Variants in SVIL observed in about 807,000 individuals in gnomAD.
The protein encoded by SVIL is supervillin, also known as archvillin.
Under a neutral mutation model 240.4 loss-of-function variants are expected in SVIL, and 101 were observed. The observed-to-expected ratio is 0.42, with a 90% CI of 0.36 to 0.50. The LOEUF is 0.50. SVIL is among the 20% of genes least tolerant of loss of function. The pLI is 0.01. For missense variants in SVIL, 2,512 were observed against 2,818.7 expected, an observed-to-expected ratio of 0.89 and a Z score of 2.46; for synonymous variants, 999 against 1,100.0, an observed-to-expected ratio of 0.91 and a Z score of 1.82.
At chr10:29,607,585 T>C (rs1345796723) in intron 1 of SVIL, among the ~76,000 whole-genome samples, 2 of 152,216 alleles carry the variant, frequency 1.3e-5, no homozygotes, top group African/African-American at 4.8e-5. Flanking sequence ...GTTAAGTTAT[T>C]CCCTGGTACT....
intron 28 of SVIL, among the ~76,000 whole-genome samples, chr10:29,481,133 G>GGTGTGTGTGTGTGTGTGTGTGTGT (rs57479630): frequency 4.2e-5 from 6 of 141,400 alleles, no homozygotes; most frequent in African/African-American, 1.6e-4. Context: ...TAGCTTTAAG[G>GGTGTGTGTGTGTGTGTGTGTGTGT]GTGTGTGTGT....
intron 1 of SVIL, among the ~76,000 whole-genome samples, chr10:29,690,563 C>T (rs1961423003): frequency 1.3e-5 from 2 of 151,880 alleles, no homozygotes; most frequent in African/African-American, 2.4e-5. Flanking sequence ...CTAGAAGGCC[C>T]TATGTTTTTA....
intron 1 of SVIL, among the ~76,000 whole-genome samples, chr10:29,607,935 A>G (rs1302668854): frequency 6.6e-6 from 1 of 152,246 alleles, no homozygotes; most frequent in Non-Finnish European, 1.5e-5. Context: ...CTTCTAAGAA[A>G]GCTAAACTTT....
At chr10:29,684,410 A>C (rs1960898502) in intron 2 of SVIL, among the ~76,000 whole-genome samples, 1 of 152,176 alleles carries the variant, frequency 6.6e-6, no homozygotes, top group South Asian at 2.1e-4. Flanking sequence ...TGGAAGGTAT[A>C]CACTGGTTCG....
Position 29,523,717 on chromosome 10 carries a change from T to C in SVIL, c.2897A>G (p.Tyr966Cys). 6.2e-7 allele frequency: 1 copy of C among 1,614,228 alleles called. No individual in the cohort carries two copies. The highest frequency in any genetic ancestry group is 8.5e-7 in the Non-Finnish European group (1 of 1,180,032). The change falls in exon 15 of 38, where the codon TAT (tyrosine) becomes TGT (cysteine). Residue 966 changes from tyrosine to cysteine, a missense_variant. Around this residue, in one of 3 missense-constraint regions of SVIL, gnomAD observed 1,443 missense variants for 1,486.6 expected, o/e 0.97. Coordinates refer to ENST00000355867, the MANE Select transcript of SVIL (RefSeq NM_021738.3). ...LTGRDSGMEKYGSFEEAEASY... is the reference protein window; with the variant it reads ...LTGRDSGMEKCGSFEEAEASY... ...TGCTTCTGCTTCCTCAAAGGACCCA[T>C]ACTTCTCCATCCCACTGTCTCGACC...
intron 14 of SVIL, among the ~76,000 whole-genome samples, chr10:29,524,228 T>C (rs1411287960): frequency 6.6e-6 from 1 of 152,208 alleles, no homozygotes; most frequent in Non-Finnish European, 1.5e-5. Flanking sequence ...TTGGGCATAC[T>C]ATTTTTTTCT....
rs137871078 is a variant in SVIL, at chr10:29,631,238, G to T, written c.-201+3182C>A. On this transcript the variant is annotated intron_variant, in intron 1 of 37. Coordinates refer to ENST00000355867, the MANE Select transcript of SVIL (RefSeq NM_021738.3). ...GAACGATGAGGGTTTGGCCCTGGCC[G>T]AGTGCAAGATGAGATCTTTGTTTAG... is the stretch of plus-strand genomic sequence containing the variant. 3.1e-3 allele frequency among the ~76,000 whole-genome samples: 467 copies of T among 152,366 alleles called. 5 individuals are homozygous for T. The highest frequency in any genetic ancestry group is 0.011 in the African/African-American group (437 of 41,582).
At position 29,550,802 on chromosome 10, in the gene SVIL, C is replaced by A. The variant is rs370242579; in HGVS notation, c.622G>T (p.Gly208Cys). 2.2e-4 allele frequency: 361 copies of A among 1,614,004 alleles called. 1 individual carries two copies. Among genetic ancestry groups the A allele is most frequent in the Non-Finnish European group, 2.9e-4 (343 of 1,180,036 alleles). Residue 208 changes from glycine to cysteine, a missense_variant, in exon 6 of 38, where the codon GGT becomes TGT. Coordinates refer to ENST00000355867, the MANE Select transcript of SVIL (RefSeq NM_021738.3). ...TGCCGGGTGGCACTCAGCTCTTGAC[C>A]TCGTCTTTGGTTTTCTATGTTCAGC... ...VLLNIENQRR[G>C]QELSATRQAH...
At chr10:29,485,235 C>T (rs2132373860) in intron 26 of SVIL, among the ~76,000 whole-genome samples, 1 of 151,552 alleles carries the variant, frequency 6.6e-6, no homozygotes, top group East Asian at 1.9e-4. Context: ...CGCAGGCACT[C>T]ATGGTCCAGT....
At chr10:29,713,441 C>G (rs758176654) in intron 1 of SVIL, among the ~76,000 whole-genome samples, 11 of 152,146 alleles carry the variant, frequency 7.2e-5, no homozygotes, top group Non-Finnish European at 1.6e-4. Flanking sequence ...AAAGCTATTG[C>G]TTTTCATTTA....
intron 1 of SVIL, among the ~76,000 whole-genome samples, chr10:29,582,333 A>G (rs1438423109): frequency 6.6e-6 from 1 of 152,234 alleles, no homozygotes; most frequent in East Asian, 1.9e-4. Context: ...TGAGGGGCAC[A>G]TGGCCGGCCC....
rs74443253 is a variant in SVIL, at chr10:29,626,486, T to C, written c.-201+7934A>G. 6.1e-3 allele frequency among the ~76,000 whole-genome samples: 925 copies of C among 152,218 alleles called. 9 individuals carry two copies. The highest frequency in any genetic ancestry group is 0.021 in the African/African-American group (885 of 41,536). ...AAATGAATACCTGGCAGTGAACTAA[T>C]AAACTCAAAGGGAAACGAAAGCCAA... On this transcript the variant is annotated intron_variant, in intron 1 of 37. Transcript: ENST00000355867.
At chr10:29,697,840 A>G (rs1962205538) in intron 1 of SVIL, 1 of 309,534 alleles carries the variant, frequency 3.2e-6, no homozygotes, top group South Asian at 3.4e-5. Flanking sequence ...ACAACAAAAA[A>G]AAGTCCTCCC....
At position 29,480,782 on chromosome 10, in the gene SVIL, T is replaced by C. The variant is rs750218277; in HGVS notation, c.5132A>G (p.Asp1711Gly). The C allele has an allele frequency of 1.9e-6, 3 of 1,612,516 alleles. No homozygotes were observed. The highest frequency in any genetic ancestry group is 2.5e-6 in the Non-Finnish European group (3 of 1,179,872). The change falls in exon 29 of 38, where the codon GAT becomes GGT. Residue 1711 changes from aspartate to glycine, a missense_variant. Around this residue, in one of 3 missense-constraint regions of SVIL, gnomAD observed 797 missense variants for 925.3 expected, o/e 0.86. Coordinates refer to ENST00000355867, the MANE Select transcript of SVIL (RefSeq NM_021738.3). ...GGGCATGGACACCATCCGTGTCACATCGTATGCCTTGACATCAGTCCTGGG... is the reference window on the plus strand; with the variant it reads ...GGGCATGGACACCATCCGTGTCACACCGTATGCCTTGACATCAGTCCTGGG... ...EDPRTDVKAY[D>G]VTRMVSMPQT... is the part of the protein sequence containing the mutation.
intron 21 of SVIL, among the ~76,000 whole-genome samples, chr10:29,491,232 GC>G (rs1240695272): frequency 6.6e-6 from 1 of 152,120 alleles, no homozygotes; most frequent in Non-Finnish European, 1.5e-5. Flanking sequence ...ACACCCGGAT[GC>G]CCCCACTCAC....
rs1261567107 is a variant in SVIL, at chr10:29,495,274, C to T, written c.3665-93G>A. The stretch of plus-strand genomic sequence containing the variant: ...GGATCTCCAGAAATCCCAGGGTAGA[C>T]GGCACAACATATAAGAATTTACACA... On this transcript the variant is annotated intron_variant, in intron 18 of 37. Transcript: ENST00000355867. 23 of 692,806 alleles carry T rather than the reference C, an allele frequency of 3.3e-5. 3 individuals carry two copies. Among genetic ancestry groups the T allele is most frequent in the African/African-American group, 1.9e-4 (8 of 43,140 alleles). 42.9% of individuals were successfully genotyped at this position (692,806 alleles called of 1,614,324 possible).
intron 1 of SVIL, among the ~76,000 whole-genome samples, chr10:29,718,098 C>T (rs566472433): frequency 2.3e-4 from 35 of 151,942 alleles, no homozygotes; most frequent in Middle Eastern, 6.8e-3. Flanking sequence ...GAGGCCGAGG[C>T]GGGTGGATCA....
chr10:29,540,557 C>A (rs1952071643), intron 6 of SVIL, among the ~76,000 whole-genome samples: 1 of 152,230 alleles, frequency 6.6e-6, no homozygotes, highest in South Asian at 2.1e-4. Flanking sequence ...GGACCCAGTG[C>A]AGCAGGACCC....
chr10:29,465,453 A>T, intron 34 of SVIL, 142 bp downstream of exon 34: 1 of 1,031,306 alleles, frequency 9.7e-7, no homozygotes, highest in Non-Finnish European at 1.4e-6. Flanking sequence ...GAGGATGAAA[A>T]GAGTGTAAGC....
Sources: allele counts gnomAD v4.1 joint callset (sites outside exome capture counted in the v4.1 genomes callset), GRCh38; gene constraint gnomAD v4.1.1; regional missense constraint gnomAD v4.1.1; transcripts MANE v1.5; gene names NCBI Gene and HGNC (gene_info 2026-07-23, HGNC 2026-07-21).